PKNOX2: variants seen among roughly 807,000 people sequenced by gnomAD.
PKNOX2 encodes the protein PBX/knotted 1 homeobox 2.
A neutral mutation model predicts 53.1 loss-of-function variants in PKNOX2; 14 were observed. The ratio of observed to expected loss-of-function variants is 0.26; its 90% CI spans 0.17 to 0.41. The LOEUF is 0.41. Among genes scored for constraint, PKNOX2 ranks in the 10% least tolerant of loss-of-function variants. The probability of loss-of-function intolerance (pLI) is 1.00; values close to 1 mark genes in which losing one functional copy is unlikely to be tolerated. For missense variants in PKNOX2, 496 were observed against 602.8 expected (o/e 0.82, Z 1.85); for synonymous variants, 257 against 242.8 (o/e 1.06, Z -0.54).
chr11:125,303,822 G>T (rs1462880211), intron 2 of PKNOX2, among the ~76,000 whole-genome samples: 2 of 152,224 alleles, frequency 1.3e-5, no homozygotes, highest in African/African-American at 4.8e-5. Context: ...TAAGGGGAGA[G>T]ACAGGCTGCC....
chr11:125,403,515 C>T (rs1954882080), intron 7 of PKNOX2, among the ~76,000 whole-genome samples: 1 of 152,150 alleles, frequency 6.6e-6, no homozygotes, highest in African/African-American at 2.4e-5. Context: ...CTCTTCATGA[C>T]AGGCTGCAAG....
At chr11:125,291,252 G>A (rs919762627) in intron 2 of PKNOX2, among the ~76,000 whole-genome samples, 4 of 152,182 alleles carry the variant, frequency 2.6e-5, no homozygotes, top group Non-Finnish European at 4.4e-5. Flanking sequence ...CATGCTGCAG[G>A]TATACAACGG....
intron 1 of PKNOX2, among the ~76,000 whole-genome samples, chr11:125,168,755 C>T (rs1314848881): frequency 3.3e-5 from 5 of 152,220 alleles, no homozygotes; most frequent in African/African-American, 7.2e-5. Flanking sequence ...GTGAATCCAA[C>T]GTGCAACGTA....
Position 125,367,989 on chromosome 11 carries a change from G to A in PKNOX2, c.227+4G>A. 6.2e-7 allele frequency: 1 copy of A among 1,611,638 alleles called. No homozygotes were observed. Among genetic ancestry groups the A allele is most frequent in the Non-Finnish European group, 8.5e-7 (1 of 1,178,858 alleles). On this transcript the variant is annotated splice_donor_region_variant and intron_variant, in intron 5 of 12. Transcript: ENST00000298282. ...CTGACAAGCGAGCTGTATACAGGTA[G>A]GAGACACTTCAGCTGTGTCTACAGC...
At chr11:125,178,665 G>GAGA (rs1955927974) in intron 1 of PKNOX2, among the ~76,000 whole-genome samples, 2 of 104,948 alleles carry the variant, frequency 1.9e-5, no homozygotes, top group African/African-American at 1.3e-4. Context: ...AAGGAAGGAA[G>GAGA]GAAGGAAAGA....
At chr11:125,407,833 T>A (rs1477377728) in intron 7 of PKNOX2, among the ~76,000 whole-genome samples, 1 of 152,104 alleles carries the variant, frequency 6.6e-6, no homozygotes, top group Non-Finnish European at 1.5e-5. Context: ...ATGAGAATGG[T>A]AGGCTGGGAT....
Position 125,385,611 on chromosome 11 carries a change from C to G in PKNOX2, c.288C>G (p.Gly96=), listed in dbSNP as rs759882508. The change falls in exon 6 of 13, where the codon GGC becomes GGG. Residue 96 remains glycine, a synonymous_variant. Coordinates refer to ENST00000298282, the MANE Select transcript of PKNOX2 (RefSeq NM_001382323.2). The part of the protein sequence containing the change: ...LFEKCEQATQ[G]SECITSASFD... ...AGAAATGTGAACAGGCCACCCAGGG[C>G]TCTGAGTGCATCACCTCCGCCAGCT... 19 of 1,613,980 alleles carry G rather than the reference C, an allele frequency of 1.2e-5. No individual in the cohort carries two copies. The highest frequency in any genetic ancestry group is 1.6e-5 in the Non-Finnish European group (19 of 1,179,990).
intron 4 of PKNOX2, among the ~76,000 whole-genome samples, chr11:125,359,114 G>A (rs1951783429): frequency 6.6e-6 from 1 of 151,798 alleles, no homozygotes; most frequent in African/African-American, 2.4e-5. Flanking sequence ...CGGAAAGGCA[G>A]GAAGGTGGAC....
intron 2 of PKNOX2, among the ~76,000 whole-genome samples, chr11:125,241,961 C>A (rs527250536): frequency 6.6e-6 from 1 of 152,238 alleles, no homozygotes; most frequent in African/African-American, 2.4e-5. Flanking sequence ...GAGGTACTCT[C>A]CAGTTAAGCC....
At chr11:125,191,133 T>C (rs983822278) in intron 1 of PKNOX2, 2 of 152,190 alleles carry the variant, frequency 1.3e-5, no homozygotes, top group African/African-American at 4.8e-5. Context: ...GAAAGATCCT[T>C]ATAATAACAT....
At position 125,414,558 on chromosome 11, in the gene PKNOX2, A is replaced by G. The variant is rs367603537; in HGVS notation, c.936+2693A>G. ...GACCCAGCTGTCCTTGGCAGGCCAC[A>G]CCTGGGCCACACAGCCATGCACATG... On this transcript the variant is annotated intron_variant, in intron 10 of 12. Coordinates refer to ENST00000298282, the MANE Select transcript of PKNOX2 (RefSeq NM_001382323.2). Among the ~76,000 whole-genome samples the G allele has an allele frequency of 3.3e-3, 496 of 152,272 alleles. 2 individuals are homozygous for G. The highest frequency in any genetic ancestry group is 9.0e-3 in the African/African-American group (376 of 41,550).
chr11:125,296,385 A>G (rs1480785987), intron 2 of PKNOX2, among the ~76,000 whole-genome samples: 1 of 152,074 alleles, frequency 6.6e-6, no homozygotes, highest in Non-Finnish European at 1.5e-5. Flanking sequence ...TTCCAGCTGC[A>G]CTGGCCTCCT....
At chr11:125,184,373 A>G (rs1341913721) in intron 1 of PKNOX2, 1 of 152,258 alleles carries the variant, frequency 6.6e-6, no homozygotes, top group African/African-American at 2.4e-5. Context: ...CAAAGGCCCA[A>G]GCCACACAGC....
intron 2 of PKNOX2, among the ~76,000 whole-genome samples, chr11:125,285,210 C>T (rs1946820369): frequency 6.6e-6 from 1 of 152,050 alleles, no homozygotes; most frequent in Non-Finnish European, 1.5e-5. Context: ...AGAGACAGAG[C>T]CTGAACCAGG....
intron 4 of PKNOX2, among the ~76,000 whole-genome samples, chr11:125,367,055 G>A (rs1403162483): frequency 6.6e-6 from 1 of 152,104 alleles, no homozygotes. Context: ...CACTTTTAGA[G>A]ATTTCTTTGA....
intron 1 of PKNOX2, among the ~76,000 whole-genome samples, chr11:125,190,563 GC>G (rs1250446877): frequency 6.6e-6 from 1 of 152,164 alleles, no homozygotes; most frequent in Non-Finnish European, 1.5e-5. Flanking sequence ...ACCCTTTAGA[GC>G]CCAGCTTCTG....
At chr11:125,260,506 GT>G (rs539466838) in intron 2 of PKNOX2, among the ~76,000 whole-genome samples, 4 of 152,126 alleles carry the variant, frequency 2.6e-5, no homozygotes, top group South Asian at 2.1e-4. Context: ...CTGTTTTATG[GT>G]TTTTTTTAAT....
intron 7 of PKNOX2, among the ~76,000 whole-genome samples, chr11:125,409,743 C>A (rs1306463998): frequency 1.3e-4 from 20 of 152,094 alleles, no homozygotes; most frequent in Non-Finnish European, 4.4e-5. Context: ...TTCTCAGACC[C>A]GGCTGACAGT....
chr11:125,176,557 C>G (rs1955717673), intron 1 of PKNOX2, among the ~76,000 whole-genome samples: 1 of 152,090 alleles, frequency 6.6e-6, no homozygotes, highest in Non-Finnish European at 1.5e-5. Context: ...TGGAGGACAT[C>G]CTGGAGGAAG....
Sources: gnomAD v4.1 joint callset for allele counts (sites outside exome capture counted in the v4.1 genomes callset) on GRCh38, gnomAD v4.1.1 for gene constraint, MANE v1.5 for transcripts, NCBI Gene and HGNC (gene_info 2026-07-23, HGNC 2026-07-21) for gene names.